Variants in ZNF577 observed in about 807,000 individuals in gnomAD.
ZNF577 encodes the protein zinc finger protein 577.
Under a neutral mutation model 13.9 loss-of-function variants are expected in ZNF577, and 14 were observed. That is an observed-to-expected ratio of 1.00 (90% CI 0.66 to 1.57). The LOEUF (loss-of-function observed/expected upper bound fraction) is 1.57, where lower values mean the gene tolerates loss of function less well. Among genes scored for constraint, ZNF577 ranks in the 40% most tolerant of loss-of-function variants. The pLI, the probability that ZNF577 is intolerant of heterozygous loss-of-function variation, is 0.00. For synonymous variants in ZNF577, 203 were observed against 202.9 expected (o/e 1.00, Z 0.00); for missense variants, 555 against 579.2 (o/e 0.96, Z 0.43).
rs1441257702 is a variant in ZNF577 at position 51,873,394 on chromosome 19, A to G, written c.596T>C (p.Ile199Thr). ...GECGKTFMRK[I>T]QLTEHQRTHT... ...AGTTCTCTGATGCTCAGTGAGCTGA[A>G]TCTTCCTCATGAATGTTTTCCCACA... Residue 199 changes from isoleucine to threonine, a missense_variant, in exon 6 of 6, where the codon ATT becomes ACT. Ile to Thr is a moderately conservative substitution (Grantham distance 89, BLOSUM62 -1). Transcript: ENST00000638348. 6.2e-7 allele frequency: 1 copy of G among 1,614,114 alleles called. No homozygotes were observed. The highest frequency in any genetic ancestry group is 1.1e-5 in the South Asian group (1 of 91,078).
At chr19:51,879,784 A>C (rs909070882) in intron 3 of ZNF577, among the ~76,000 whole-genome samples, 18 of 152,182 alleles carry the variant, frequency 1.2e-4, no homozygotes, top group Admixed American at 6.5e-4. Context: ...CTTTTGATAC[A>C]AATGCTTCTG....
At chr19:51,812,371 T>C (rs967927523) in intron 9 of ZNF577, among the ~76,000 whole-genome samples, 13 of 152,130 alleles carry the variant, frequency 8.5e-5, no homozygotes, top group African/African-American at 3.1e-4. Flanking sequence ...AAATAAAAAA[T>C]ATCACAAAGA....
At chr19:51,823,693 A>G in intron 9 of ZNF577, 1 of 1,397,816 alleles carries the variant, frequency 7.2e-7, no homozygotes, top group Non-Finnish European at 9.8e-7. Flanking sequence ...GTTGTATTGT[A>G]AGATGGTGTC....
chr19:51,842,679 A>G (rs1196560645), intron 8 of ZNF577: 1 of 152,162 alleles, frequency 6.6e-6, no homozygotes, highest in Admixed American at 6.5e-5. Context: ...CATATTGAAG[A>G]CCTCTTTTCA....
intron 9 of ZNF577, among the ~76,000 whole-genome samples, chr19:51,812,364 T>C (rs2084103313): frequency 6.6e-6 from 1 of 152,102 alleles, no homozygotes; most frequent in South Asian, 2.1e-4. Flanking sequence ...TATCTGAAAA[T>C]AAAAAATATC....
chr19:51,824,277 A>T lies in ZNF577; in HGVS notation c.*600-12603T>A. On this transcript the variant is annotated intron_variant and NMD_transcript_variant, in intron 9 of 10. Transcript: ENST00000638827. The surrounding 1 kb of genome is among the most constrained non-coding windows in gnomAD (Gnocchi z 4.7). ...TACTACGAATGGGGACACATACTGT[A>T]TTTTCAACTTTGCATTCTGGGGTGA... 6.2e-7 allele frequency: 1 copy of T among 1,614,032 alleles called. No individual in the cohort carries two copies. The highest frequency in any genetic ancestry group is 8.5e-7 in the Non-Finnish European group (1 of 1,180,006).
intron 3 of ZNF577, among the ~76,000 whole-genome samples, chr19:51,879,247 A>C (rs887337059): frequency 8.6e-5 from 12 of 138,792 alleles, no homozygotes; most frequent in African/African-American, 3.0e-4. Flanking sequence ...ACAGAGCAAG[A>C]CTCCGTCTCA....
At chr19:51,844,981 A>C (rs1276186292) in intron 5 of ZNF577, 1 of 152,234 alleles carries the variant, frequency 6.6e-6, no homozygotes, top group Non-Finnish European at 1.5e-5. Context: ...ATAAAGAGCA[A>C]GTCCGCGTAA....
At chr19:51,844,654 C>T (rs981790630) in intron 6 of ZNF577, 4 of 152,194 alleles carry the variant, frequency 2.6e-5, no homozygotes, top group Non-Finnish European at 5.9e-5. Context: ...CTAGTCTAAC[C>T]ACATCCCTGC....
rs1363255856 is a variant in ZNF577, at chr19:51,873,782, A to G, written c.284-76T>C. 3 of 1,138,830 alleles carry G rather than the reference A, an allele frequency of 2.6e-6. No individual in the cohort carries two copies. The East Asian group carries it at 7.5e-5, about 29-fold the overall frequency. 70.5% of individuals were successfully genotyped at this position (1,138,830 alleles called of 1,614,324 possible). A position where few individuals can be genotyped will look rare whatever the true frequency, so the allele number is the denominator to read the frequency against. On this transcript the variant is annotated intron_variant, in intron 5 of 5. Transcript: ENST00000638348. ...TACATTAAAGGAACAATGCTCTTAC[A>G]TAAACCAAACTTATTTCCAAGGGCA...
intron 9 of ZNF577, among the ~76,000 whole-genome samples, chr19:51,831,900 C>A (rs889943174): frequency 7.2e-5 from 11 of 152,350 alleles, no homozygotes; most frequent in African/African-American, 2.6e-4. Flanking sequence ...TATTCTTCCT[C>A]TTGAACTTTC....
chr19:51,879,575 G>T (rs1255969555), intron 3 of ZNF577, among the ~76,000 whole-genome samples: 2 of 151,898 alleles, frequency 1.3e-5, no homozygotes, highest in East Asian at 3.9e-4. Flanking sequence ...AACTTGGGGG[G>T]AGAAAAAAAG....
downstream of ZNF577, among the ~76,000 whole-genome samples, chr19:51,864,517 T>C (rs1441873237): frequency 6.6e-6 from 1 of 152,084 alleles, no homozygotes; most frequent in African/African-American, 2.4e-5. Context: ...CTATCATAAT[T>C]TTGGCAAGAG....
At position 51,822,116 on chromosome 19, in the gene ZNF577, G is replaced by A. The variant is rs181312368; in HGVS notation, c.*600-10442C>T. ...GACACAAGGGACACAGAGACCTTTG[G>A]GTTGAGTTGGATGCAACAGCTTCCC... is the stretch of plus-strand genomic sequence containing the variant. On this transcript the variant is annotated intron_variant and NMD_transcript_variant, in intron 9 of 10. Transcript: ENST00000638827. 2.3e-4 allele frequency among the ~76,000 whole-genome samples: 35 copies of A among 152,284 alleles called. 1 individual carries two copies. The highest frequency in any genetic ancestry group is 2.3e-3 in the Admixed American group (35 of 15,294).
rs2084598651 is a variant in ZNF577 at position 51,868,331 on chromosome 19, A to G, written c.*4201T>C. Among the ~76,000 whole-genome samples the G allele has an allele frequency of 6.6e-6, 1 of 152,186 alleles. No homozygotes were observed. The highest frequency in any genetic ancestry group is 1.5e-5 in the Non-Finnish European group (1 of 68,040). On this transcript the variant is annotated 3_prime_UTR_variant, in exon 6 of 6. Coordinates refer to ENST00000638348, the MANE Select transcript of ZNF577 (RefSeq NM_001370449.1). ...CCTAAAAAAGTTTCATCTGGGGTGT[A>G]AAAGGAGAAAGTCAGCAGAGTAAGG... is the stretch of plus-strand genomic sequence containing the variant.
rs1430355608 is a variant in ZNF577 at position 51,824,435 on chromosome 19, C to A, written c.*600-12761G>T. On this transcript the variant is annotated intron_variant and NMD_transcript_variant, in intron 9 of 10. Coordinates refer to the ZNF577 transcript ENST00000638827. The surrounding 1 kb of genome is among the most constrained non-coding windows in gnomAD (Gnocchi z 4.7). Reference sequence around the variant, plus strand: ...ATGGGATCATCGCTGCCAAAATTCACAGAAACCACATGATTAAATCCAGCC... The same window carrying A: ...ATGGGATCATCGCTGCCAAAATTCAAAGAAACCACATGATTAAATCCAGCC... 1 of 1,613,992 alleles carries A rather than the reference C, an allele frequency of 6.2e-7. No homozygotes were observed. Among genetic ancestry groups the A allele is most frequent in the Non-Finnish European group, 8.5e-7 (1 of 1,180,014 alleles).
In ZNF577 at chr19:51,869,302, A is replaced by G. The variant is rs952248975; in HGVS notation, c.*3230T>C. Among the ~76,000 whole-genome samples the G allele has an allele frequency of 6.6e-6, 1 of 152,234 alleles. No individual in the cohort carries two copies. Among genetic ancestry groups the G allele is most frequent in the Non-Finnish European group, 1.5e-5 (1 of 68,044 alleles). On this transcript the variant is annotated 3_prime_UTR_variant, in exon 6 of 6. Transcript: ENST00000638348. ...AAACCACCTTATGGCTGGATGTGAG[A>G]CATGCTGGCAGCGATACTGTTCTTT...
chr19:51,811,308 G>A (rs1215420025), intron 10 of ZNF577: 1 of 152,180 alleles, frequency 6.6e-6, no homozygotes, highest in Non-Finnish European at 1.5e-5. Flanking sequence ...GTTAATGTCT[G>A]AGAACTAACC....
chr19:51,823,312 T>C (rs2084204324), intron 9 of ZNF577, among the ~76,000 whole-genome samples: 1 of 152,178 alleles, frequency 6.6e-6, no homozygotes, highest in South Asian at 2.1e-4. Flanking sequence ...GCTGGGAGAC[T>C]GGGAGAGCAT....
Sources: gnomAD v4.1 joint callset for allele counts (sites outside exome capture counted in the v4.1 genomes callset) on GRCh38, gnomAD v4.1.1 for gene constraint, Gnocchi (gnomAD v3.1) non-coding constraint, MANE v1.5 for transcripts, NCBI Gene and HGNC (gene_info 2026-07-23, HGNC 2026-07-21) for gene names.